ZNF496: variants seen among roughly 807,000 people sequenced by gnomAD.
The protein encoded by ZNF496 is NSD1 (nuclear receptor binding SET-domain containing 1)-interacting zinc finger protein 1.
In ZNF496, 11 loss-of-function variants were observed where a neutral mutation model predicts 58.9. That is an observed-to-expected ratio of 0.19 (90% CI 0.12 to 0.31). The LOEUF (loss-of-function observed/expected upper bound fraction) is 0.31. Among genes scored for constraint, ZNF496 ranks in the 10% least tolerant of loss-of-function variants. The pLI is 1.00. For missense variants in ZNF496, 660 were observed against 783.0 expected, an observed-to-expected ratio of 0.84 and a Z score of 1.88; for synonymous variants, 338 against 318.2, an observed-to-expected ratio of 1.06 and a Z score of -0.66.
chr1:247,331,167 G>A (rs1390699524), intron 2 of ZNF496, among the ~76,000 whole-genome samples: 1 of 152,248 alleles, frequency 6.6e-6, no homozygotes, highest in Non-Finnish European at 1.5e-5. Context: ...CAACCAGACG[G>A]CCGCGTCCGT....
chr1:247,322,607 CCCTGACTCTGACT>C, intron 6 of ZNF496: 1 of 710,568 alleles, frequency 1.4e-6, no homozygotes, highest in South Asian at 1.6e-5. Context: ...CAGCCCCCAG[CCCTGACTCTGACT>C]CCTCAGAGCA....
chr1:247,308,668 C>A lies in ZNF496; in HGVS notation c.893-80G>T. On this transcript the variant is annotated intron_variant, in intron 8 of 9. Transcript: ENST00000682384. This position sits in a 1 kb window ranked among gnomAD's most constrained non-coding sequence, Gnocchi z 4.5. ...TGGGAGGGTGCTATCCGAATAGATG[C>A]CAGGCTACGATCTGGGGGCGGCCCT... 2 of 1,361,372 alleles carry A rather than the reference C, an allele frequency of 1.5e-6. No homozygotes were observed. The highest frequency in any genetic ancestry group is 1.0e-6 in the Non-Finnish European group (1 of 960,964). The allele number at this position is 1,361,372 out of a possible 1,614,324, so 84.3% of individuals were successfully genotyped here.
intron 6 of ZNF496, among the ~76,000 whole-genome samples, chr1:247,320,417 G>A (rs183493553): frequency 4.8e-4 from 73 of 152,306 alleles, no homozygotes; most frequent in African/African-American, 1.6e-3. Context: ...TAACATTCTT[G>A]AAATGAAATG....
chr1:247,310,633 G>T, intron 6 of ZNF496, 177 bp from the exon 7 acceptor site: 1 of 753,516 alleles, frequency 1.3e-6, no homozygotes, highest in Non-Finnish European at 2.1e-6. Flanking sequence ...AGCAGGCTGG[G>T]TGCCTGGTGA....
intron 7 of ZNF496, chr1:247,310,034 T>TA (rs1414836461): frequency 1.4e-6 from 2 of 1,426,454 alleles, no homozygotes; most frequent in African/African-American, 2.9e-5. Context: ...AAAGCAGACA[T>TA]AAAGGGACAA....
chr1:247,328,977 G>C, intron 4 of ZNF496, 111 bp from the exon 5 acceptor site: 1 of 1,427,004 alleles, frequency 7.0e-7, no homozygotes, highest in Admixed American at 2.2e-5. Flanking sequence ...CTTAGGCCTT[G>C]GACTGGGCTG....
intron 5 of ZNF496, among the ~76,000 whole-genome samples, chr1:247,324,075 A>G (rs1477698835): frequency 3.4e-5 from 5 of 145,670 alleles, no homozygotes; most frequent in African/African-American, 9.8e-5. Flanking sequence ...GCTCTGTCTC[A>G]AATGAAAAAA....
chr1:247,316,169 T>C (rs866500868), intron 6 of ZNF496, among the ~76,000 whole-genome samples: 162 of 134,780 alleles, frequency 1.2e-3, no homozygotes, highest in African/African-American at 4.4e-3. Flanking sequence ...TGTGTGTGTG[T>C]GTGCACGACT....
chr1:247,320,431 TC>T (rs1347339214), intron 6 of ZNF496, among the ~76,000 whole-genome samples: 1 of 152,164 alleles, frequency 6.6e-6, no homozygotes, highest in Non-Finnish European at 1.5e-5. Flanking sequence ...TGAAATGACA[TC>T]ACAGAGCTGA....
At position 247,328,677 on chromosome 1, in the gene ZNF496, G is replaced by A. The variant is rs1187216742; in HGVS notation, c.574+6C>T. 6.4e-7 allele frequency: 1 copy of A among 1,573,742 alleles called. No homozygotes were observed. The highest frequency in any genetic ancestry group is 8.6e-7 in the Non-Finnish European group (1 of 1,159,832). On this transcript the variant is annotated splice_donor_region_variant and intron_variant, in intron 5 of 9. Transcript: ENST00000682384. Reference sequence around the variant, plus strand: ...CACCCCTGCTACACTCCCCTGGGCTGCATACCTGGGTCCCCGCTGAGCTGG... The same window carrying A: ...CACCCCTGCTACACTCCCCTGGGCTACATACCTGGGTCCCCGCTGAGCTGG...
chr1:247,308,819 A>T lies in ZNF496; in HGVS notation c.893-231T>A. The T allele has an allele frequency of 2.1e-6, 1 of 483,314 alleles. No individual in the cohort carries two copies. The highest frequency in any genetic ancestry group is 3.8e-6 in the Non-Finnish European group (1 of 263,344). The allele number at this position is 483,314 out of a possible 1,614,324, so 29.9% of individuals were successfully genotyped here. On this transcript the variant is annotated intron_variant, in intron 8 of 9. Coordinates refer to ENST00000682384, the MANE Select transcript of ZNF496 (RefSeq NM_032752.3). This position sits in a 1 kb window ranked among gnomAD's most constrained non-coding sequence, Gnocchi z 4.5. ...CTGACGCTAGACAGAATCGACGTAGATCCGGGTTCTACTCCACCCACTCTA... is the reference window on the plus strand; with the variant it reads ...CTGACGCTAGACAGAATCGACGTAGTTCCGGGTTCTACTCCACCCACTCTA...
At position 247,300,786 on chromosome 1, in the gene ZNF496, C is replaced by A. The variant is rs777271017; in HGVS notation, c.1497G>T (p.Gln499His). The change falls in exon 10 of 10, where the codon CAG becomes CAT. Residue 499 changes from glutamine (Q) to histidine (H), a missense_variant. Coordinates refer to ENST00000682384, the MANE Select transcript of ZNF496 (RefSeq NM_032752.3). This position sits in a 1 kb window ranked among gnomAD's most constrained non-coding sequence, Gnocchi z 5.7. ...CCTTGTCCGCGTCCTCGGATGCCGCCTGCTCTCTCTTCTCCACCGGCTGGA... is the reference window on the plus strand; with the variant it reads ...CCTTGTCCGCGTCCTCGGATGCCGCATGCTCTCTCTTCTCCACCGGCTGGA... ...DRLQPVEKRE[Q>H]AASEDADKGP... is the part of the protein sequence containing the mutation. 1 of 1,601,738 alleles carries A rather than the reference C, an allele frequency of 6.2e-7. No homozygotes were observed. Among genetic ancestry groups the A allele is most frequent in the Non-Finnish European group, 8.5e-7 (1 of 1,171,650 alleles).
chr1:247,300,144 G>T lies in ZNF496; in HGVS notation c.*375C>A. On this transcript the variant is annotated 3_prime_UTR_variant, in exon 10 of 10. Coordinates refer to ENST00000682384, the MANE Select transcript of ZNF496 (RefSeq NM_032752.3). The surrounding 1 kb of genome is among the most constrained non-coding windows in gnomAD (Gnocchi z 5.7). Reference sequence around the variant, plus strand: ...CGTTCAGACAGGGAAGGAGGGGAGGGAGTATACTGAGGTTTGGCTGGTGAC... The same window carrying T: ...CGTTCAGACAGGGAAGGAGGGGAGGTAGTATACTGAGGTTTGGCTGGTGAC... The T allele has an allele frequency of 5.7e-6, 1 of 175,150 alleles. No homozygotes were observed. Among genetic ancestry groups the T allele is most frequent in the Non-Finnish European group, 1.2e-5 (1 of 83,152 alleles). 10.8% of individuals were successfully genotyped at this position (175,150 alleles called of 1,614,324 possible). A position where few individuals can be genotyped will look rare whatever the true frequency, so the allele number is the denominator to read the frequency against.
rs1378391601 is a variant in ZNF496, at chr1:247,309,679, G to A, written c.892+20C>T. The A allele has an allele frequency of 5.6e-6, 9 of 1,613,864 alleles. No homozygotes were observed. Among genetic ancestry groups the A allele is most frequent in the Non-Finnish European group, 7.6e-6 (9 of 1,179,970 alleles). ...CCCTTCCCCCTACTCTGTCCACTCA[G>A]TTCTGGAATCATTACTCACCCAAGT... On this transcript the variant is annotated intron_variant, in intron 8 of 9. Transcript: ENST00000682384. This position sits in a 1 kb window ranked among gnomAD's most constrained non-coding sequence, Gnocchi z 4.3.
At chr1:247,331,170 G>C (rs937332770) in intron 2 of ZNF496, among the ~76,000 whole-genome samples, 55 of 152,368 alleles carry the variant, frequency 3.6e-4, no homozygotes, top group Middle Eastern at 3.4e-3. Flanking sequence ...CCAGACGGCC[G>C]CGTCCGTCTT....
At chr1:247,304,434 T>C (rs1230162647) in intron 9 of ZNF496, among the ~76,000 whole-genome samples, 3 of 151,024 alleles carry the variant, frequency 2.0e-5, no homozygotes. Flanking sequence ...TGCAATGGCA[T>C]GATCTTGGCT....
At chr1:247,313,500 T>G (rs967573406) in intron 6 of ZNF496, 2 of 152,232 alleles carry the variant, frequency 1.3e-5, no homozygotes, top group Non-Finnish European at 2.9e-5. Flanking sequence ...GAGAAACAGG[T>G]CTTCCTCCTC....
intron 6 of ZNF496, 137 bp from the exon 7 acceptor site, chr1:247,310,593 T>C: frequency 8.6e-7 from 1 of 1,160,516 alleles, no homozygotes; most frequent in South Asian, 1.6e-5. Context: ...CTCACAGTTC[T>C]GGAGGCTGGA....
intron 9 of ZNF496, among the ~76,000 whole-genome samples, chr1:247,302,382 C>T (rs1168321491): frequency 1.3e-5 from 2 of 151,936 alleles, no homozygotes; most frequent in African/African-American, 2.4e-5. Context: ...ACAAGGGGGT[C>T]GGGGGAACAT....
Sources: allele counts gnomAD v4.1 joint callset (sites outside exome capture counted in the v4.1 genomes callset), GRCh38; gene constraint gnomAD v4.1.1; non-coding constraint Gnocchi (gnomAD v3.1); transcripts MANE v1.5; gene names NCBI Gene and HGNC (gene_info 2026-07-23, HGNC 2026-07-21).